The following TFG variants were observed in gnomAD, a reference collection of about 807,000 sequenced individuals.
TFG encodes protein TFG.
A neutral mutation model predicts 51.4 loss-of-function variants in TFG; 22 were observed. That is an observed-to-expected ratio of 0.43 (90% CI 0.31 to 0.61). TFG has a LOEUF of 0.61. Among genes scored for constraint, TFG ranks in the 20% least tolerant of loss-of-function variants. TFG has a pLI of 0.12. For missense variants in TFG, 419 were observed against 487.7 expected (o/e 0.86, Z 1.33); for synonymous variants, 187 against 165.6 (o/e 1.13, Z -0.99).
At chr3:100,728,624 G>A (rs2095082561) in intron 3 of TFG, 88 bp from the exon 4 acceptor site, 3 of 1,142,904 alleles carry the variant, frequency 2.6e-6, no homozygotes, top group Non-Finnish European at 3.6e-6. Context: ...TTTTTTAAAG[G>A]AATTGTATTT....
At chr3:100,712,318 T>G (rs2095033541) in intron 1 of TFG, among the ~76,000 whole-genome samples, 1 of 152,178 alleles carries the variant, frequency 6.6e-6, no homozygotes, top group Non-Finnish European at 1.5e-5. Context: ...AGTAGGTGAG[T>G]GCTTTCACAT....
rs72928666 is a variant in TFG, at chr3:100,743,694, G to A, written c.722-1139G>A. The A allele has an allele frequency of 4.9e-3, 747 of 152,136 alleles. 6 individuals are homozygous for A. The highest frequency in any genetic ancestry group is 0.017 in the African/African-American group (712 of 41,516). The allele number at this position is 152,136 out of a possible 1,614,324, so 9.4% of individuals were successfully genotyped here. A position where few individuals can be genotyped will look rare whatever the true frequency, so the allele number is the denominator to read the frequency against. On this transcript the variant is annotated intron_variant, in intron 6 of 7. Transcript: ENST00000240851. ...TACCCAGCACTAAAAACTTAGACACGTATAGGGCTGAGCAGCTGGTATAAT... is the reference window on the plus strand; with the variant it reads ...TACCCAGCACTAAAAACTTAGACACATATAGGGCTGAGCAGCTGGTATAAT...
At chr3:100,726,261 G>A (rs1179452849) in intron 3 of TFG, among the ~76,000 whole-genome samples, 1 of 152,226 alleles carries the variant, frequency 6.6e-6, no homozygotes, top group African/African-American at 2.4e-5. Context: ...GGGAGAGCGA[G>A]CTAAAGACCC....
intron 6 of TFG, chr3:100,742,973 A>T (rs528790559): frequency 1.3e-5 from 2 of 152,008 alleles, no homozygotes; most frequent in Admixed American, 1.3e-4. Flanking sequence ...GGAGTTCCTT[A>T]CTCATTGATG....
intron 6 of TFG, among the ~76,000 whole-genome samples, chr3:100,737,685 AAAAC>A (rs1203006500): frequency 6.6e-6 from 1 of 152,222 alleles, no homozygotes; most frequent in Non-Finnish European, 1.5e-5. Flanking sequence ...CATTAAAACA[AAAAC>A]AAAACATAGG....
chr3:100,744,552 G>A, intron 6 of TFG: 1 of 262,294 alleles, frequency 3.8e-6, no homozygotes. Context: ...CAGCTGGGTT[G>A]GAAAACATTT....
At chr3:100,714,875 A>G (rs2095041271) in intron 2 of TFG, among the ~76,000 whole-genome samples, 1 of 152,184 alleles carries the variant, frequency 6.6e-6, no homozygotes, top group South Asian at 2.1e-4. Flanking sequence ...TTGAATGAAA[A>G]ATGTTTCGGC....
intron 6 of TFG, among the ~76,000 whole-genome samples, chr3:100,739,330 C>A (rs2095115045): frequency 6.6e-6 from 1 of 151,352 alleles, no homozygotes; most frequent in African/African-American, 2.4e-5. Context: ...AATTTTATTC[C>A]AAATAAATGT....
intron 6 of TFG, among the ~76,000 whole-genome samples, chr3:100,739,195 A>C (rs2095114751): frequency 6.6e-6 from 1 of 152,198 alleles, no homozygotes; most frequent in Non-Finnish European, 1.5e-5. Flanking sequence ...CAGAATTACC[A>C]ACATAAAATG....
intron 7 of TFG, chr3:100,747,499 T>C (rs542414158): frequency 2.0e-5 from 3 of 152,536 alleles, no homozygotes; most frequent in East Asian, 3.9e-4. Flanking sequence ...AAGCAGACTT[T>C]CGTTGTAAAA....
intron 3 of TFG, among the ~76,000 whole-genome samples, chr3:100,728,096 A>T (rs369040028): frequency 6.6e-6 from 1 of 152,170 alleles, no homozygotes; most frequent in East Asian, 1.9e-4. Flanking sequence ...GGCTTCCCAA[A>T]GTGGTGGGAT....
chr3:100,722,785 G>A (rs1195648343), intron 3 of TFG, among the ~76,000 whole-genome samples: 5 of 152,154 alleles, frequency 3.3e-5, no homozygotes, highest in African/African-American at 7.2e-5. Context: ...TAAATTTCAC[G>A]AATGAGGAGA....
chr3:100,714,210 C>G (rs1004726890), intron 2 of TFG, among the ~76,000 whole-genome samples: 12 of 152,052 alleles, frequency 7.9e-5, no homozygotes, highest in Non-Finnish European at 1.5e-4. Context: ...TTAAAATTAG[C>G]TAAGTGGGGC....
At chr3:100,725,732 G>A (rs2095073732) in intron 3 of TFG, among the ~76,000 whole-genome samples, 1 of 151,698 alleles carries the variant, frequency 6.6e-6, no homozygotes, top group South Asian at 2.1e-4. Context: ...GGCAGAGGTT[G>A]CAGTGAGCCA....
chr3:100,727,296 G>C (rs774865395), intron 3 of TFG, among the ~76,000 whole-genome samples: 7 of 152,136 alleles, frequency 4.6e-5, no homozygotes, highest in Non-Finnish European at 8.8e-5. Flanking sequence ...GTAATACCAA[G>C]TGAAAACCAA....
rs72928641 is a variant in TFG, at chr3:100,736,958, C to T, written c.721+242C>T. Among the ~76,000 whole-genome samples, 2,725 of 152,224 alleles carry T rather than the reference C, an allele frequency of 0.018. 77 individuals are homozygous for T. Among genetic ancestry groups the T allele is most frequent in the African/African-American group, 0.062 (2,554 of 41,524 alleles). On this transcript the variant is annotated intron_variant, in intron 6 of 7. Transcript: ENST00000240851. ...ATGAATATAGATACAGAGTGAAAGA[C>T]CAGTCATTAGTCAGTGGTGACCCTT...
intron 7 of TFG, 48 bp from the exon 8 acceptor site, chr3:100,748,101 T>A (rs752589628): frequency 6.4e-7 from 1 of 1,561,500 alleles, no homozygotes; most frequent in South Asian, 1.2e-5. Flanking sequence ...TTTGGAAAAG[T>A]AGTTTTACTA....
Position 100,713,850 on chromosome 3 carries a change from AATAAAGT to A in TFG, c.172_178del (p.Tyr58MetfsTer7), listed in dbSNP as rs1413837299. On this transcript the variant is annotated frameshift_variant, in exon 2 of 8. Coordinates refer to ENST00000240851, the MANE Select transcript of TFG (RefSeq NM_006070.6). LOFTEE classifies it high-confidence loss of function. ...AACTTCTGAGTAATGATGAAGTAACAATAAAGTATAAAGATGAAGGTAAGAGTGTTTT... is the reference window on the plus strand; with the variant it reads ...AACTTCTGAGTAATGATGAAGTAACAATAAAGATGAAGGTAAGAGTGTTTT... 6.4e-7 allele frequency: 1 copy of A among 1,560,750 alleles called. No homozygotes were observed. Among genetic ancestry groups the A allele is most frequent in the Non-Finnish European group, 8.7e-7 (1 of 1,143,258 alleles).
rs1363916510 is a variant in TFG, at chr3:100,728,750, A to G, written c.307A>G (p.Lys103Glu). The G allele has an allele frequency of 6.2e-7, 1 of 1,612,326 alleles. No homozygotes were observed. The highest frequency in any genetic ancestry group is 8.5e-7 in the Non-Finnish European group (1 of 1,179,272). ...QPRPLESSQV[K>E]YLRRELIELR... ...AAGACCCCTTGAATCAAGTCAGGTG[A>G]AATATCTCCGTCGAGAACTGATAGA... The change falls in exon 4 of 8, where the codon AAA becomes GAA. Residue 103 changes from lysine to glutamate, a missense_variant. By Grantham distance (56) the Lys-to-Glu change is moderately conservative. Transcript: ENST00000240851.
Sources: allele counts gnomAD v4.1 joint callset (sites outside exome capture counted in the v4.1 genomes callset), GRCh38; gene constraint gnomAD v4.1.1; transcripts MANE v1.5; gene names NCBI Gene and HGNC (gene_info 2026-07-23, HGNC 2026-07-21).